Variants in NRXN1 observed in about 807,000 individuals in gnomAD.
The protein encoded by NRXN1 is neurexin-1.
Under a neutral mutation model 150.9 loss-of-function variants are expected in NRXN1, and 39 were observed. The observed-to-expected ratio is 0.26, with a 90% CI of 0.20 to 0.34. The LOEUF is 0.34. NRXN1 is among the 10% of genes least tolerant of loss of function. NRXN1 has a pLI of 1.00. For missense variants in NRXN1, 1,815 were observed against 1,949.9 expected (o/e 0.93, Z 1.30); for synonymous variants, 924 against 757.0 (o/e 1.22, Z -3.62).
chr2:50,602,636 T>G (rs932853581), intron 8 of NRXN1, among the ~76,000 whole-genome samples: 6 of 152,156 alleles, frequency 3.9e-5, no homozygotes, highest in Non-Finnish European at 8.8e-5. Context: ...CTTTGCTCCC[T>G]TCTTCCCTTC....
chr2:50,048,210 G>A (rs946691866), intron 21 of NRXN1, among the ~76,000 whole-genome samples: 1 of 152,050 alleles, frequency 6.6e-6, no homozygotes, highest in Non-Finnish European at 1.5e-5. Flanking sequence ...ACATGCCTTT[G>A]TATATATTTT....
chr2:50,062,487 T>G (rs906620569), intron 19 of NRXN1, among the ~76,000 whole-genome samples: 21 of 152,194 alleles, frequency 1.4e-4, no homozygotes, highest in African/African-American at 4.3e-4. Flanking sequence ...TATTTTATTA[T>G]CATTGCCCAA....
intron 18 of NRXN1, among the ~76,000 whole-genome samples, chr2:50,096,421 T>A (rs1377334520): frequency 6.6e-6 from 1 of 152,216 alleles, no homozygotes; most frequent in Admixed American, 6.5e-5. Flanking sequence ...GTGCTAAACT[T>A]TCTTGCCAAT....
intron 17 of NRXN1, among the ~76,000 whole-genome samples, chr2:50,271,742 G>A (rs569491324): frequency 3.3e-5 from 5 of 151,924 alleles, no homozygotes; most frequent in Non-Finnish European, 7.4e-5. Context: ...TACATGACTG[G>A]CATTGCTAAA....
intron 5 of NRXN1, among the ~76,000 whole-genome samples, chr2:50,748,240 T>C (rs1281614851): frequency 6.6e-6 from 1 of 152,158 alleles, no homozygotes; most frequent in Non-Finnish European, 1.5e-5. Flanking sequence ...GTTGCTCCTA[T>C]AGAAAGACTG....
intron 5 of NRXN1, among the ~76,000 whole-genome samples, chr2:50,638,322 T>C (rs772182626): frequency 1.3e-5 from 2 of 152,196 alleles, no homozygotes; most frequent in Non-Finnish European, 2.9e-5. Context: ...TAAAACTCAA[T>C]GTTTTGCAGT....
intron 17 of NRXN1, among the ~76,000 whole-genome samples, chr2:50,261,702 GT>G (rs2068303001): frequency 6.6e-6 from 1 of 151,878 alleles, no homozygotes; most frequent in African/African-American, 2.4e-5. Flanking sequence ...ATAGAAATAT[GT>G]AAAAATACTA....
At chr2:50,942,730 A>G (rs1689663245) in intron 2 of NRXN1, among the ~76,000 whole-genome samples, 1 of 152,154 alleles carries the variant, frequency 6.6e-6, no homozygotes, top group South Asian at 2.1e-4. Context: ...AGTAACTAAC[A>G]TGTTTTTGAT....
chr2:50,756,923 C>T (rs1035190866), intron 5 of NRXN1, among the ~76,000 whole-genome samples: 3 of 151,862 alleles, frequency 2.0e-5, no homozygotes, highest in Admixed American at 1.3e-4. Flanking sequence ...CGTGTTAAAA[C>T]TGAAAGTCTA....
intron 5 of NRXN1, among the ~76,000 whole-genome samples, chr2:50,715,438 T>C (rs1695742259): frequency 6.6e-6 from 1 of 152,170 alleles, no homozygotes. Context: ...AAAGATTAAA[T>C]AAGAAACTGG....
chr2:50,032,485 G>A (rs1188048798), intron 21 of NRXN1, among the ~76,000 whole-genome samples: 1 of 152,034 alleles, frequency 6.6e-6, no homozygotes, highest in Non-Finnish European at 1.5e-5. Flanking sequence ...AGGAAATATG[G>A]TTAGATCATT....
chr2:50,285,782 G>A (rs922749674), intron 17 of NRXN1, among the ~76,000 whole-genome samples: 26 of 151,518 alleles, frequency 1.7e-4, no homozygotes, highest in African/African-American at 4.4e-4. Context: ...TCAACTTTAC[G>A]AAATGATCTT....
At chr2:50,190,616 T>TC (rs923709431) in intron 18 of NRXN1, among the ~76,000 whole-genome samples, 16 of 149,534 alleles carry the variant, frequency 1.1e-4, no homozygotes, top group Non-Finnish European at 2.2e-4. Flanking sequence ...TTTTTTTCTT[T>TC]TTTTTTTTTT....
At chr2:50,905,081 T>A (rs568741141) in intron 5 of NRXN1, among the ~76,000 whole-genome samples, 2 of 152,244 alleles carry the variant, frequency 1.3e-5, no homozygotes, top group East Asian at 3.9e-4. Context: ...TTTCTCATGT[T>A]TGGTCCTTTC....
At chr2:50,034,968 A>T (rs1317802560) in intron 21 of NRXN1, among the ~76,000 whole-genome samples, 2 of 152,098 alleles carry the variant, frequency 1.3e-5, no homozygotes, top group Non-Finnish European at 2.9e-5. Flanking sequence ...ATTGAATATA[A>T]CAGCTTGGTT....
intron 8 of NRXN1, among the ~76,000 whole-genome samples, chr2:50,562,062 A>G (rs1390575291): frequency 6.6e-6 from 1 of 152,130 alleles, no homozygotes; most frequent in Non-Finnish European, 1.5e-5. Flanking sequence ...TATTATTATT[A>G]TTTTATTAGG....
chr2:50,338,067 G>C (rs1481424095), intron 17 of NRXN1, among the ~76,000 whole-genome samples: 5 of 152,158 alleles, frequency 3.3e-5, no homozygotes, highest in Non-Finnish European at 7.4e-5. Flanking sequence ...CTAGTCCCAA[G>C]AAAAAGAATG....
Position 50,347,558 on chromosome 2 carries a change from A to C in NRXN1, c.3365-110588T>G. The C allele has an allele frequency of 1.2e-5, 12 of 1,026,526 alleles. No individual in the cohort carries two copies. Among genetic ancestry groups the C allele is most frequent in the Non-Finnish European group, 1.4e-5 (12 of 854,648 alleles). 63.6% of individuals were successfully genotyped at this position (1,026,526 alleles called of 1,614,324 possible). ...GCCTCCCCCGGGCAGCGCGCGGAGC[A>C]GCGGCGCGCATCGCCTGCTCCCGAG... is the stretch of plus-strand genomic sequence containing the variant. On this transcript the variant is annotated intron_variant, in intron 17 of 22. Transcript: ENST00000401669. The surrounding 1 kb of genome is among the most constrained non-coding windows in gnomAD (Gnocchi z 4.9).
chr2:50,110,998 T>A (rs1241033625), intron 18 of NRXN1, among the ~76,000 whole-genome samples: 7 of 152,218 alleles, frequency 4.6e-5, no homozygotes, highest in Non-Finnish European at 1.0e-4. Context: ...TTTATTTTCA[T>A]CTTTTTTATT....
Sources: gnomAD v4.1 joint callset for allele counts (sites outside exome capture counted in the v4.1 genomes callset) on GRCh38, gnomAD v4.1.1 for gene constraint, Gnocchi (gnomAD v3.1) non-coding constraint, MANE v1.5 for transcripts, NCBI Gene and HGNC (gene_info 2026-07-23, HGNC 2026-07-21) for gene names.